Variants in ROBO1 observed in about 807,000 individuals in gnomAD.
ROBO1 encodes the protein roundabout guidance receptor 1, also known as roundabout homolog 1.
A neutral mutation model predicts 195.9 loss-of-function variants in ROBO1; 149 were observed. The ratio of observed to expected loss-of-function variants is 0.76; its 90% confidence interval spans 0.67 to 0.87. The LOEUF (loss-of-function observed/expected upper bound fraction) is 0.87, where lower values mean the gene tolerates loss of function less well. ROBO1 is among the 40% of genes least tolerant of loss of function. The pLI is 0.00. For synonymous variants in ROBO1, 816 were observed against 733.2 expected (o/e 1.11, Z -1.82); for missense variants, 1,933 against 2,068.3 (o/e 0.93, Z 1.27).
At chr3:79,626,691 G>A (rs1346781796) in intron 1 of ROBO1, among the ~76,000 whole-genome samples, 2 of 152,124 alleles carry the variant, frequency 1.3e-5, no homozygotes, top group Admixed American at 1.3e-4. Context: ...ATTCAAATAG[G>A]AAGAGAGGAA....
At chr3:78,863,054 A>G (rs566730803) in intron 4 of ROBO1, among the ~76,000 whole-genome samples, 1 of 152,304 alleles carries the variant, frequency 6.6e-6, no homozygotes, top group South Asian at 2.1e-4. Flanking sequence ...TAATATCTAG[A>G]AAAACAACAA....
At chr3:78,668,631 T>G in intron 11 of ROBO1, 66 bp from the exon 12 acceptor site, 1 of 1,453,340 alleles carries the variant, frequency 6.9e-7, no homozygotes, top group South Asian at 1.2e-5. Flanking sequence ...GAAAAGCAAT[T>G]ACAGGTTTGT....
At chr3:78,668,090 G>T in intron 13 of ROBO1, 41 bp from the exon 14 acceptor site, 1 of 1,610,398 alleles carries the variant, frequency 6.2e-7, no homozygotes, top group Non-Finnish European at 8.5e-7. Context: ...GTATTTAATG[G>T]AGAATCAAAA....
intron 4 of ROBO1, among the ~76,000 whole-genome samples, chr3:78,892,060 T>C (rs923582429): frequency 6.6e-6 from 1 of 152,206 alleles, no homozygotes; most frequent in Non-Finnish European, 1.5e-5. Context: ...CTCCATTGTA[T>C]GTAAATTTTA....
chr3:79,660,600 T>A (rs1484748016), intron 1 of ROBO1, among the ~76,000 whole-genome samples: 2 of 152,148 alleles, frequency 1.3e-5, no homozygotes, highest in Non-Finnish European at 2.9e-5. Context: ...GGGAACTCTG[T>A]ATTTCTGTTG....
intron 2 of ROBO1, among the ~76,000 whole-genome samples, chr3:79,318,342 T>C (rs1412522129): frequency 1.3e-5 from 2 of 152,186 alleles, no homozygotes; most frequent in East Asian, 3.9e-4. Flanking sequence ...ATCTTCCCAG[T>C]TCACCACAGT....
intron 2 of ROBO1, among the ~76,000 whole-genome samples, chr3:79,133,994 A>C (rs1237526614): frequency 6.6e-6 from 1 of 151,888 alleles, no homozygotes; most frequent in African/African-American, 2.4e-5. Flanking sequence ...CTTCATGTCC[A>C]AAACACCAAA....
intron 1 of ROBO1, among the ~76,000 whole-genome samples, chr3:79,607,401 T>C (rs2107899539): frequency 6.6e-6 from 1 of 151,736 alleles, no homozygotes; most frequent in South Asian, 2.1e-4. Flanking sequence ...TTTTGTTCAT[T>C]TGATGGAATA....
intron 21 of ROBO1, among the ~76,000 whole-genome samples, chr3:78,644,984 G>C (rs1447756890): frequency 6.6e-6 from 1 of 152,128 alleles, no homozygotes; most frequent in Non-Finnish European, 1.5e-5. Context: ...GCTCTTTCAT[G>C]AATGTCTGGG....
intron 2 of ROBO1, among the ~76,000 whole-genome samples, chr3:79,212,009 G>A (rs2081973682): frequency 6.6e-6 from 1 of 152,202 alleles, no homozygotes; most frequent in African/African-American, 2.4e-5. Flanking sequence ...GGGAAACAAA[G>A]GGATGGGCCA....
At chr3:79,639,069 T>A (rs1415438713) in intron 1 of ROBO1, among the ~76,000 whole-genome samples, 1 of 152,182 alleles carries the variant, frequency 6.6e-6, no homozygotes, top group African/African-American at 2.4e-5. Context: ...ATCAATGGTG[T>A]TTGGGAGAGA....
chr3:79,610,835 C>T lies in ROBO1; in HGVS notation c.-50-20874G>A, dbSNP rs541957932. 3.3e-5 allele frequency among the ~76,000 whole-genome samples: 5 copies of T among 152,096 alleles called. No homozygotes were observed. In the East Asian group the frequency reaches 5.8e-4, roughly 18 times the overall value. On this transcript the variant is annotated intron_variant, in intron 1 of 30. Transcript: ENST00000464233. The stretch of plus-strand genomic sequence containing the variant: ...TTAAATGATTATGCTTCAAGAACAA[C>T]GGAATTGTAACACAGGTATCATGGA...
rs1180359686 is a variant in ROBO1 at position 78,679,082 on chromosome 3, C to T, written c.1342+6664G>A. Among the ~76,000 whole-genome samples the T allele has an allele frequency of 4.6e-5, 7 of 152,104 alleles. No individual in the cohort carries two copies. The South Asian group carries it at 1.2e-3, about 27-fold the overall frequency. ...AGAACCAAAGACAAAAACCACATGACTATCTCAATAGATGCAGAAAAGACC... is the reference window on the plus strand; with the variant it reads ...AGAACCAAAGACAAAAACCACATGATTATCTCAATAGATGCAGAAAAGACC... On this transcript the variant is annotated intron_variant, in intron 10 of 30. Coordinates refer to ENST00000464233, the MANE Select transcript of ROBO1 (RefSeq NM_002941.4).
chr3:79,045,358 AAAG>A (rs2078571639), intron 3 of ROBO1, among the ~76,000 whole-genome samples: 1 of 152,092 alleles, frequency 6.6e-6, no homozygotes, highest in Non-Finnish European at 1.5e-5. Context: ...TAGTGAAAAT[AAAG>A]AAGCTTAATG....
chr3:78,803,719 C>A (rs1559872743), intron 4 of ROBO1, among the ~76,000 whole-genome samples: 1 of 151,514 alleles, frequency 6.6e-6, no homozygotes, highest in Non-Finnish European at 1.5e-5. Flanking sequence ...AGAATGACAA[C>A]ACAGGAATAA....
At chr3:79,457,381 CTG>C (rs149896280) in intron 2 of ROBO1, among the ~76,000 whole-genome samples, 3 of 150,830 alleles carry the variant, frequency 2.0e-5, no homozygotes, top group Non-Finnish European at 3.0e-5. Context: ...GAATGAAACA[CTG>C]TGTGTGTGTG....
chr3:79,726,136 A>T (rs113990114), intron 1 of ROBO1, among the ~76,000 whole-genome samples: 3 of 152,206 alleles, frequency 2.0e-5, no homozygotes, highest in African/African-American at 7.2e-5. Flanking sequence ...ATGATCCATA[A>T]CTATTGCACT....
chr3:79,079,557 C>T (rs2079234043), intron 3 of ROBO1, among the ~76,000 whole-genome samples: 1 of 151,622 alleles, frequency 6.6e-6, no homozygotes, highest in African/African-American at 2.4e-5. Context: ...AAATGGAGAA[C>T]AAAATTCATC....
chr3:79,361,733 A>G (rs1046559242), intron 2 of ROBO1, among the ~76,000 whole-genome samples: 1 of 152,090 alleles, frequency 6.6e-6, no homozygotes, highest in Admixed American at 6.5e-5. Flanking sequence ...ATTTACACAT[A>G]TGAAAAACTC....
Sources: gnomAD v4.1 joint callset for allele counts (sites outside exome capture counted in the v4.1 genomes callset) on GRCh38, gnomAD v4.1.1 for gene constraint, MANE v1.5 for transcripts, NCBI Gene and HGNC (gene_info 2026-07-23, HGNC 2026-07-21) for gene names.